Variants in TDRD7 observed in about 807,000 individuals in gnomAD.
The protein encoded by TDRD7 is tudor domain-containing protein 7.
A neutral mutation model predicts 109.8 loss-of-function variants in TDRD7; 47 were observed. The observed-to-expected ratio is 0.43, with a 90% CI of 0.34 to 0.55. TDRD7 has a LOEUF of 0.55. TDRD7 is among the 20% of genes least tolerant of loss of function. The pLI, the probability that TDRD7 is intolerant of heterozygous loss-of-function variation, is 0.03. For synonymous variants in TDRD7, 424 were observed against 457.3 expected, an observed-to-expected ratio of 0.93 and a Z score of 0.93; for missense variants, 1,164 against 1,319.2, an observed-to-expected ratio of 0.88 and a Z score of 1.82.
chr9:97,441,077 A>G (rs1322637193), intron 5 of TDRD7, among the ~76,000 whole-genome samples: 1 of 152,208 alleles, frequency 6.6e-6, no homozygotes, highest in Non-Finnish European at 1.5e-5. Context: ...AACTGAGGCT[A>G]GGATGATGAT....
chr9:97,490,588 C>T (rs1004303676), intron 16 of TDRD7, among the ~76,000 whole-genome samples: 1 of 148,994 alleles, frequency 6.7e-6, no homozygotes, highest in South Asian at 2.1e-4. Context: ...GTTCTCTGAG[C>T]TTCCTAGATC....
intron 4 of TDRD7, among the ~76,000 whole-genome samples, chr9:97,435,672 G>A (rs1175788839): frequency 6.6e-6 from 1 of 151,830 alleles, no homozygotes; most frequent in Non-Finnish European, 1.5e-5. Context: ...AAGACTGCTT[G>A]AGATGTTGTA....
chr9:97,483,098 T>C lies in TDRD7; in HGVS notation c.2662T>C (p.Ser888Pro), dbSNP rs769661518. The C allele has an allele frequency of 6.2e-7, 1 of 1,614,084 alleles. No individual in the cohort carries two copies. The highest frequency in any genetic ancestry group is 1.1e-5 in the South Asian group (1 of 91,082). ...GAACCTCACAGATGTCATCAAAAAG[T>C]CCATGGTGGACCATACGAGCGCTTT... is the stretch of plus-strand genomic sequence containing the variant. ...RKNLTDVIKK[S>P]MVDHTSAFST... Residue 888 changes from serine (S) to proline (P), a missense_variant, in exon 15 of 17, where the codon TCC becomes CCC. Physicochemically the swap from Ser to Pro is moderately conservative, Grantham distance 74 (BLOSUM62 -1). Around this residue, in one of 5 missense-constraint regions of TDRD7, gnomAD observed 233 missense variants for 218.0 expected, o/e 1.07. Transcript: ENST00000355295.
rs1407675984 is a variant in TDRD7, at chr9:97,475,363, C to T, written c.2080-20C>T. On this transcript the variant is annotated intron_variant, in intron 11 of 16. Coordinates refer to ENST00000355295, the MANE Select transcript of TDRD7 (RefSeq NM_014290.3). ...TCTTTGCTAAGAGTAATAAGAGTAT[C>T]ATGCATTTCTGTTTTGCAGCACATG... is the stretch of plus-strand genomic sequence containing the variant. 1 of 1,576,178 alleles carries T rather than the reference C, an allele frequency of 6.3e-7. No individual in the cohort carries two copies. The highest frequency in any genetic ancestry group is 8.7e-7 in the Non-Finnish European group (1 of 1,146,014).
rs775589955 is a variant in TDRD7 at position 97,495,925 on chromosome 9, G to A, written c.*42G>A. On this transcript the variant is annotated 3_prime_UTR_variant, in exon 17 of 17. Transcript: ENST00000355295. Reference sequence around the variant, plus strand: ...CTTGACAACTAATTCAGATTTTTTAGCAATAACAAAATGTAGTAGGCTTAA... The same window carrying A: ...CTTGACAACTAATTCAGATTTTTTAACAATAACAAAATGTAGTAGGCTTAA... 7.1e-6 allele frequency: 11 copies of A among 1,552,738 alleles called. No homozygotes were observed. Among genetic ancestry groups the A allele is most frequent in the Non-Finnish European group, 9.8e-6 (11 of 1,125,698 alleles).
intron 1 of TDRD7, among the ~76,000 whole-genome samples, chr9:97,425,183 A>G (rs546105825): frequency 2.0e-4 from 31 of 152,262 alleles, no homozygotes; most frequent in African/African-American, 7.2e-4. Flanking sequence ...ATAGGTGTGT[A>G]TATTTTTTAA....
chr9:97,416,811 T>C (rs1033338193), intron 1 of TDRD7, among the ~76,000 whole-genome samples: 1 of 152,086 alleles, frequency 6.6e-6, no homozygotes, highest in Non-Finnish European at 1.5e-5. Flanking sequence ...GAATTTCTTA[T>C]TCATTCAACA....
intron 6 of TDRD7, among the ~76,000 whole-genome samples, chr9:97,449,586 C>T (rs1020947951): frequency 6.6e-6 from 1 of 152,168 alleles, no homozygotes; most frequent in Non-Finnish European, 1.5e-5. Flanking sequence ...TCTGTGCCCT[C>T]TCTGGGCCTG....
At chr9:97,466,471 C>G (rs1828823729) in intron 8 of TDRD7, among the ~76,000 whole-genome samples, 1 of 152,150 alleles carries the variant, frequency 6.6e-6, no homozygotes, top group African/African-American at 2.4e-5. Context: ...ACCCCTAAGG[C>G]CCACAAGGTG....
chr9:97,483,155 T>G lies in TDRD7; in HGVS notation c.2719T>G (p.Leu907Val), dbSNP rs1298594495. Reference protein sequence around the residue: ...STEELPPPVHLSKPGEHMDVY... With the variant: ...STEELPPPVHVSKPGEHMDVY... ...AGAGGAACTGCCACCTCCTGTCCAC[T>G]TATCAAAGCCAGGGGAACACATGGA... is the stretch of plus-strand genomic sequence containing the variant. Residue 907 changes from leucine to valine, a missense_variant, in exon 15 of 17, where the codon TTA becomes GTA. Leu to Val is a conservative substitution (Grantham distance 32). Transcript: ENST00000355295. 6.2e-7 allele frequency: 1 copy of G among 1,614,188 alleles called. No homozygotes were observed. The highest frequency in any genetic ancestry group is 1.7e-5 in the Admixed American group (1 of 60,000).
chr9:97,412,663 C>CG lies in TDRD7; in HGVS notation c.-7+426dup, dbSNP rs1436613594. Among the ~76,000 whole-genome samples, 2 of 152,206 alleles carry CG rather than the reference C, an allele frequency of 1.3e-5. No individual in the cohort carries two copies. The highest frequency in any genetic ancestry group is 1.5e-5 in the Non-Finnish European group (1 of 68,040). ...CGCCGCCCCCAGCGAGGGATGTCCG[C>CG]GCTCCCCTATTTGAACCCAAGTATT... is the stretch of plus-strand genomic sequence containing the variant. On this transcript the variant is annotated intron_variant, in intron 1 of 16. Transcript: ENST00000355295. This position sits in a 1 kb window ranked among gnomAD's most constrained non-coding sequence, Gnocchi z 4.3.
chr9:97,444,313 G>T (rs1828361551), intron 6 of TDRD7, among the ~76,000 whole-genome samples: 1 of 152,178 alleles, frequency 6.6e-6, no homozygotes, highest in Admixed American at 6.5e-5. Flanking sequence ...ATAGTAATTT[G>T]CTTAGTCAAG....
intron 14 of TDRD7, among the ~76,000 whole-genome samples, chr9:97,481,676 T>A (rs928066352): frequency 1.3e-5 from 2 of 152,254 alleles, no homozygotes; most frequent in Admixed American, 6.5e-5. Flanking sequence ...CTTAATTATA[T>A]ACTATTCCAT....
intron 6 of TDRD7, among the ~76,000 whole-genome samples, chr9:97,449,640 A>G (rs566364287): frequency 2.4e-4 from 36 of 152,284 alleles, no homozygotes; most frequent in African/African-American, 5.5e-4. Context: ...TTGGGGTTTT[A>G]TGGAGGCTTC....
chr9:97,420,378 G>C (rs1171765529), intron 1 of TDRD7, among the ~76,000 whole-genome samples: 1 of 126,586 alleles, frequency 7.9e-6, no homozygotes, highest in African/African-American at 2.9e-5. Context: ...GGGGGCGGGT[G>C]GGGGAGGGTG....
chr9:97,434,682 A>G (rs1472827345), intron 4 of TDRD7, among the ~76,000 whole-genome samples: 3 of 152,190 alleles, frequency 2.0e-5, no homozygotes, highest in African/African-American at 7.2e-5. Context: ...CATTTATCTC[A>G]GAGAAATGAA....
In TDRD7 at chr9:97,438,219, G is replaced by C. The variant is rs190604392; in HGVS notation, c.564-1026G>C. On this transcript the variant is annotated intron_variant, in intron 4 of 16. Coordinates refer to ENST00000355295, the MANE Select transcript of TDRD7 (RefSeq NM_014290.3). ...ACACAGATATATTAATATAGAAATA[G>C]GATGATCTTATAATTGCATATACCA... Among the ~76,000 whole-genome samples the C allele has an allele frequency of 9.9e-5, 15 of 152,176 alleles. No homozygotes were observed. The East Asian group carries it at 2.9e-3, about 29-fold the overall frequency.
chr9:97,484,479 C>CAA (rs1829176992), intron 15 of TDRD7, among the ~76,000 whole-genome samples: 1 of 150,840 alleles, frequency 6.6e-6, no homozygotes, highest in Admixed American at 6.6e-5. Context: ...AACACACACA[C>CAA]ACACACACAC....
chr9:97,470,429 G>A, intron 8 of TDRD7, 129 bp from the exon 9 acceptor site: 2 of 837,126 alleles, frequency 2.4e-6, no homozygotes, highest in Non-Finnish European at 3.9e-6. Flanking sequence ...CACCTCCCCA[G>A]CTTTTTCCAG....
Sources: allele counts gnomAD v4.1 joint callset (sites outside exome capture counted in the v4.1 genomes callset), GRCh38; gene constraint gnomAD v4.1.1; regional missense constraint gnomAD v4.1.1; non-coding constraint Gnocchi (gnomAD v3.1); transcripts MANE v1.5; gene names NCBI Gene and HGNC (gene_info 2026-07-23, HGNC 2026-07-21).